The following TMEM117 variants were observed in gnomAD, a reference collection of about 807,000 sequenced individuals.
TMEM117 encodes transmembrane protein 117.
A neutral mutation model predicts 52.4 loss-of-function variants in TMEM117; 27 were observed. The ratio of observed to expected loss-of-function variants is 0.51; its 90% CI spans 0.38 to 0.71. The LOEUF is 0.71. TMEM117 is among the 30% of genes least tolerant of loss of function. The pLI is 0.00. For missense variants in TMEM117, 556 were observed against 630.5 expected, an observed-to-expected ratio of 0.88 and a Z score of 1.26; for synonymous variants, 215 against 206.3, an observed-to-expected ratio of 1.04 and a Z score of -0.36.
chr12:44,007,845 C>A (rs558946200), intron 3 of TMEM117, among the ~76,000 whole-genome samples: 23 of 152,260 alleles, frequency 1.5e-4, no homozygotes, highest in Non-Finnish European at 2.8e-4. Context: ...CCATGTAAGT[C>A]ATGACTTGCT....
At chr12:44,132,178 G>T (rs1948424299) in intron 3 of TMEM117, among the ~76,000 whole-genome samples, 1 of 149,590 alleles carries the variant, frequency 6.7e-6, no homozygotes. Flanking sequence ...AGCGGGAGGG[G>T]CTGCTCAGGT....
In TMEM117 at chr12:44,388,425, G is replaced by A. The variant is rs199709654; in HGVS notation, c.1298G>A (p.Arg433His). The change falls in exon 8 of 8, where the codon CGC becomes CAC. Residue 433 changes from arginine (R) to histidine (H), a missense_variant. Around this residue, in one of 3 missense-constraint regions of TMEM117, gnomAD observed 206 missense variants for 211.1 expected, o/e 0.98. Coordinates refer to ENST00000266534, the MANE Select transcript of TMEM117 (RefSeq NM_032256.3). ...RMENQDKTYTRMKRKSPSEHS... is the reference protein window; with the variant it reads ...RMENQDKTYTHMKRKSPSEHS... ...GAGAATCAAGACAAAACTTACACTC[G>A]CATGAAAAGAAAATCTCCATCAGAA... The A allele has an allele frequency of 6.2e-7, 1 of 1,613,224 alleles. No individual in the cohort carries two copies.
At chr12:44,262,429 G>A (rs775868143) in intron 5 of TMEM117, among the ~76,000 whole-genome samples, 6 of 152,198 alleles carry the variant, frequency 3.9e-5, no homozygotes, top group Non-Finnish European at 7.3e-5. Context: ...GTAAAACAGA[G>A]AAGTCTGTTC....
chr12:43,953,689 C>T (rs1474821137), intron 3 of TMEM117, among the ~76,000 whole-genome samples: 1 of 152,136 alleles, frequency 6.6e-6, no homozygotes, highest in Non-Finnish European at 1.5e-5. Flanking sequence ...TAGACCCCCA[C>T]ACACAATAAT....
chr12:43,904,268 G>T (rs4572198), intron 2 of TMEM117, among the ~76,000 whole-genome samples: 108,947 of 151,936 alleles, frequency 0.72, 42,154 homozygotes, highest in East Asian at 0.87. Context: ...CCAGAACTTT[G>T]TAGGCTGATG....
At chr12:44,253,131 T>C (rs779347240) in intron 5 of TMEM117, among the ~76,000 whole-genome samples, 8 of 152,238 alleles carry the variant, frequency 5.3e-5, no homozygotes, top group African/African-American at 9.6e-5. Context: ...TTCTACTTTA[T>C]GTGTAATCAC....
At chr12:44,265,459 A>C (rs983554831) in intron 5 of TMEM117, among the ~76,000 whole-genome samples, 2 of 152,196 alleles carry the variant, frequency 1.3e-5, no homozygotes, top group Non-Finnish European at 2.9e-5. Flanking sequence ...CAAAACTAAA[A>C]GCAGTAATTC....
chr12:44,260,663 A>T (rs940491394), intron 5 of TMEM117, among the ~76,000 whole-genome samples: 2 of 152,190 alleles, frequency 1.3e-5, no homozygotes, highest in Non-Finnish European at 2.9e-5. Flanking sequence ...CCCAGCATGT[A>T]CTTCAGACTA....
intron 4 of TMEM117, among the ~76,000 whole-genome samples, chr12:44,164,655 T>TG (rs554674280): frequency 8.1e-4 from 124 of 152,314 alleles, no homozygotes; most frequent in Middle Eastern, 6.8e-3. Context: ...CTGTAAACTC[T>TG]GGGATATAAT....
At chr12:43,988,577 G>C (rs181867624) in intron 3 of TMEM117, among the ~76,000 whole-genome samples, 2 of 152,140 alleles carry the variant, frequency 1.3e-5, no homozygotes, top group African/African-American at 4.8e-5. Flanking sequence ...ACAAAGAACA[G>C]CATGAAGTAT....
intron 3 of TMEM117, among the ~76,000 whole-genome samples, chr12:44,050,063 G>GTGGGGCTATA (rs1405629435): frequency 6.6e-6 from 1 of 152,250 alleles, no homozygotes; most frequent in East Asian, 1.9e-4. Context: ...GCAGAATGAA[G>GTGGGGCTATA]GGAAATGAGG....
chr12:43,916,726 C>A (rs1438872609), intron 2 of TMEM117, among the ~76,000 whole-genome samples: 2 of 152,158 alleles, frequency 1.3e-5, no homozygotes, highest in African/African-American at 4.8e-5. Flanking sequence ...GTTCTCTCTT[C>A]AGTTACTGGG....
chr12:44,250,717 T>G (rs915450594), intron 5 of TMEM117, among the ~76,000 whole-genome samples: 1 of 152,146 alleles, frequency 6.6e-6, no homozygotes, highest in African/African-American at 2.4e-5. Flanking sequence ...AAGCCATCAT[T>G]CTCAGCAAAC....
At chr12:44,007,985 A>C (rs920470854) in intron 3 of TMEM117, among the ~76,000 whole-genome samples, 6 of 152,092 alleles carry the variant, frequency 3.9e-5, no homozygotes, top group Non-Finnish European at 7.4e-5. Context: ...AAATGGACTA[A>C]TAGAGTTGTA....
chr12:44,006,871 T>C (rs1161887281), intron 3 of TMEM117, among the ~76,000 whole-genome samples: 2 of 152,202 alleles, frequency 1.3e-5, no homozygotes, highest in African/African-American at 4.8e-5. Flanking sequence ...AAATATTCTA[T>C]TGATGACAGA....
intron 7 of TMEM117, among the ~76,000 whole-genome samples, chr12:44,382,233 A>G (rs568852675): frequency 1.2e-4 from 18 of 152,244 alleles, no homozygotes; most frequent in African/African-American, 3.9e-4. Flanking sequence ...ATTTGTACAT[A>G]CATGAGCACC....
intron 6 of TMEM117, among the ~76,000 whole-genome samples, chr12:44,316,990 C>G (rs972656690): frequency 7.4e-6 from 1 of 134,784 alleles, no homozygotes; most frequent in Non-Finnish European, 1.6e-5. Context: ...TCAGAAATTT[C>G]TTTTTCTTTT....
chr12:44,146,482 CTATGT>C (rs1009812801), intron 4 of TMEM117, among the ~76,000 whole-genome samples: 57 of 152,260 alleles, frequency 3.7e-4, no homozygotes, highest in African/African-American at 1.3e-3. Flanking sequence ...TCTCTTTATG[CTATGT>C]TATATGAAAC....
intron 3 of TMEM117, among the ~76,000 whole-genome samples, chr12:44,118,149 T>G (rs938826656): frequency 2.0e-5 from 3 of 152,168 alleles, no homozygotes; most frequent in Non-Finnish European, 4.4e-5. Context: ...TTTTATAGAT[T>G]AATGAAATTT....
Sources: gnomAD v4.1 joint callset for allele counts (sites outside exome capture counted in the v4.1 genomes callset) on GRCh38, gnomAD v4.1.1 for gene constraint, gnomAD v4.1.1 regional missense constraint, MANE v1.5 for transcripts, NCBI Gene and HGNC (gene_info 2026-07-23, HGNC 2026-07-21) for gene names.